The following DDX25 variants were observed in gnomAD, a reference collection of about 807,000 sequenced individuals.
DDX25 encodes the protein DEAD-box helicase 25.
A neutral mutation model predicts 64.6 loss-of-function variants in DDX25; 70 were observed. The ratio of observed to expected loss-of-function variants is 1.08; its 90% confidence interval spans 0.89 to 1.32. DDX25 has a LOEUF of 1.32. Among genes scored for constraint, DDX25 ranks in the 40% most tolerant of loss-of-function variants. DDX25 has a pLI of 0.00. For missense variants in DDX25, 587 were observed against 604.4 expected (o/e 0.97, Z 0.30); for synonymous variants, 211 against 213.3 (o/e 0.99, Z 0.09).
rs2134277771 is a variant in DDX25 at position 125,911,458 on chromosome 11, G to T, written c.770G>T (p.Gly257Val). ...GCAGATGTGATGATTGACACTCAAG[G>T]ATTCTCAGATCATAGTATTCGTATT... ...DEADVMIDTQ[G>V]FSDHSIRIQR... The change falls in exon 8 of 12, where the codon GGA becomes GTA. Residue 257 changes from glycine (G) to valine (V), a missense_variant. Transcript: ENST00000263576. The T allele has an allele frequency of 6.2e-7, 1 of 1,613,858 alleles. No homozygotes were observed. The highest frequency in any genetic ancestry group is 8.5e-7 in the Non-Finnish European group (1 of 1,179,840).
At chr11:125,917,873 ATTTGT>A (rs1274925091) in intron 9 of DDX25, among the ~76,000 whole-genome samples, 2 of 151,878 alleles carry the variant, frequency 1.3e-5, no homozygotes, top group African/African-American at 4.8e-5. Flanking sequence ...TTAATTTTTA[ATTTGT>A]TTTATTTTTT....
In DDX25 at chr11:125,926,453, T is replaced by G. The variant is rs1332849520; in HGVS notation, c.*3572T>G. On this transcript the variant is annotated 3_prime_UTR_variant, in exon 12 of 12. Transcript: ENST00000263576. ...TCTATGCTACAGGGAATACGAACTT[T>G]TTGCCCTAGAAAGCATCCAAGAGGC... is the stretch of plus-strand genomic sequence containing the variant. 1 of 152,228 alleles carries G rather than the reference T, an allele frequency of 6.6e-6. No individual in the cohort carries two copies. The highest frequency in any genetic ancestry group is 1.5e-5 in the Non-Finnish European group (1 of 68,066). The allele number at this position is 152,228 out of a possible 1,614,324, so 9.4% of individuals were successfully genotyped here.
At chr11:125,916,449 T>C (rs1029102995) in intron 8 of DDX25, among the ~76,000 whole-genome samples, 2 of 152,242 alleles carry the variant, frequency 1.3e-5, no homozygotes, top group African/African-American at 4.8e-5. Context: ...TCCGCAGATT[T>C]ATTTCACCTG....
At position 125,917,959 on chromosome 11, in the gene DDX25, A is replaced by G. The variant is rs571427019; in HGVS notation, c.1039-669A>G. ...AATGGCATGATCTCAGCTCACTGCA[A>G]TCTCCGCCTCCTGGGTTCAAGCAAT... On this transcript the variant is annotated intron_variant, in intron 9 of 11. Coordinates refer to ENST00000263576, the MANE Select transcript of DDX25 (RefSeq NM_013264.5). Among the ~76,000 whole-genome samples the G allele has an allele frequency of 9.3e-4, 141 of 152,132 alleles. 1 individual carries two copies. The highest frequency in any genetic ancestry group is 3.2e-3 in the African/African-American group (132 of 41,486).
At chr11:125,908,051 T>A in intron 4 of DDX25, 145 bp from the exon 5 acceptor site, 1 of 649,608 alleles carries the variant, frequency 1.5e-6, no homozygotes. Flanking sequence ...GTTTGGAAGT[T>A]GAGGTATGAA....
rs547708760 is a variant in DDX25 at position 125,925,160 on chromosome 11, G to A, written c.*2279G>A. On this transcript the variant is annotated 3_prime_UTR_variant, in exon 12 of 12. Coordinates refer to ENST00000263576, the MANE Select transcript of DDX25 (RefSeq NM_013264.5). ...CGAGAATCGAGTTGGACCTTCCACC[G>A]TGCTCAGCTCCGCCTTGGGGTGTCC... The A allele has an allele frequency of 3.7e-4, 102 of 279,018 alleles. No homozygotes were observed. The highest frequency in any genetic ancestry group is 2.8e-3 in the Middle Eastern group (2 of 726). 17.3% of individuals were successfully genotyped at this position (279,018 alleles called of 1,614,324 possible). A position where few individuals can be genotyped will look rare whatever the true frequency, so the allele number is the denominator to read the frequency against.
In DDX25 at chr11:125,928,451, G is replaced by A. The variant is rs905307757; in HGVS notation, c.*5570G>A. 6.6e-6 allele frequency: 1 copy of A among 152,042 alleles called. No individual in the cohort carries two copies. The highest frequency in any genetic ancestry group is 1.5e-5 in the Non-Finnish European group (1 of 68,002). The allele number at this position is 152,042 out of a possible 1,614,324, so 9.4% of individuals were successfully genotyped here. On this transcript the variant is annotated 3_prime_UTR_variant, in exon 12 of 12. Coordinates refer to ENST00000263576, the MANE Select transcript of DDX25 (RefSeq NM_013264.5). The stretch of plus-strand genomic sequence containing the variant: ...TAAATATCTTCTCGCCCAATATTCC[G>A]AATTATTTCTTAAGATTAGAGACAT...
intron 7 of DDX25, 46 bp from the exon 8 acceptor site, chr11:125,911,265 G>C (rs777933636): frequency 1.3e-6 from 2 of 1,546,188 alleles, no homozygotes; most frequent in Non-Finnish European, 1.7e-6. Context: ...TGACCTGTTG[G>C]AGTTGTTTGC....
chr11:125,913,337 A>G (rs981818100), intron 8 of DDX25, among the ~76,000 whole-genome samples: 2 of 152,034 alleles, frequency 1.3e-5, no homozygotes, highest in African/African-American at 2.4e-5. Context: ...CTTCCTCAGT[A>G]TGCTGGAGTA....
intron 2 of DDX25, 107 bp downstream of exon 2, chr11:125,905,385 A>C: frequency 7.3e-7 from 1 of 1,371,244 alleles, no homozygotes. Flanking sequence ...TTAGTGTGAC[A>C]TTCAGCACTC....
intron 8 of DDX25, 132 bp downstream of exon 8, chr11:125,911,620 A>G: frequency 1.0e-6 from 1 of 1,000,996 alleles, no homozygotes; most frequent in Admixed American, 3.0e-5. Context: ...TTGAGTTTTT[A>G]CATTATTTTC....
intron 1 of DDX25, 50 bp from the exon 2 acceptor site, chr11:125,905,162 G>A: frequency 6.6e-7 from 1 of 1,526,074 alleles, no homozygotes; most frequent in South Asian, 1.2e-5. Flanking sequence ...GCACTGGGCT[G>A]CTTGAGGGCT....
intron 8 of DDX25, among the ~76,000 whole-genome samples, chr11:125,916,610 C>T (rs1315092834): frequency 6.6e-6 from 1 of 152,182 alleles, no homozygotes; most frequent in Non-Finnish European, 1.5e-5. Context: ...TCTTTCCCTC[C>T]CAAGATATAT....
chr11:125,925,434 T>A lies in DDX25; in HGVS notation c.*2553T>A. The A allele has an allele frequency of 2.2e-6, 1 of 456,208 alleles. No individual in the cohort carries two copies. Among genetic ancestry groups the A allele is most frequent in the South Asian group, 1.5e-5 (1 of 64,554 alleles). 28.3% of individuals were successfully genotyped at this position (456,208 alleles called of 1,614,324 possible). A position where few individuals can be genotyped will look rare whatever the true frequency, so the allele number is the denominator to read the frequency against. Reference sequence around the variant, plus strand: ...ACTGGCTAGTTTGGTGAGTCAACAATCCAAAGGCTGTTTTTTGCAGGGTGC... The same window carrying A: ...ACTGGCTAGTTTGGTGAGTCAACAAACCAAAGGCTGTTTTTTGCAGGGTGC... On this transcript the variant is annotated 3_prime_UTR_variant, in exon 12 of 12. Transcript: ENST00000263576.
chr11:125,917,669 G>A (rs986439329), intron 9 of DDX25, among the ~76,000 whole-genome samples: 3 of 152,186 alleles, frequency 2.0e-5, no homozygotes, highest in African/African-American at 7.2e-5. Context: ...AACACTTTAA[G>A]CTTCACGACA....
At chr11:125,917,277 C>T (rs1367669822) in intron 9 of DDX25, 26 bp downstream of exon 9, 1 of 1,570,098 alleles carries the variant, frequency 6.4e-7, no homozygotes, top group Non-Finnish European at 8.6e-7. Flanking sequence ...GTGTCTTCAT[C>T]GAGCCCAGAT....
rs752314091 is a variant in DDX25 at position 125,910,387 on chromosome 11, T to A, written c.531T>A (p.Tyr177Ter). Residue 177 changes from tyrosine (Y) to a stop codon, truncating the protein, a stop_gained, in exon 7 of 12, where the codon TAT (tyrosine) becomes TAA (stop). Transcript: ENST00000263576. LOFTEE classifies it high-confidence loss of function. ...FPQCLCLAPTYELALQTGRVV... is the reference protein window; with the variant it reads ...FPQCLCLAPT ...AGTGCCTCTGCCTAGCTCCTACTTA[T>A]GAATTGGCTCTGCAAACTGGCCGTG... is the stretch of plus-strand genomic sequence containing the variant. 1 of 1,613,986 alleles carries A rather than the reference T, an allele frequency of 6.2e-7. No individual in the cohort carries two copies. Among genetic ancestry groups the A allele is most frequent in the South Asian group, 1.1e-5 (1 of 91,072 alleles).
chr11:125,906,958 C>T (rs972499677), intron 4 of DDX25, among the ~76,000 whole-genome samples: 1 of 152,108 alleles, frequency 6.6e-6, no homozygotes, highest in Non-Finnish European at 1.5e-5. Context: ...AAGCTAGGCA[C>T]AGCCAGATTG....
chr11:125,919,252 T>C (rs1945080097), intron 10 of DDX25, among the ~76,000 whole-genome samples: 1 of 152,202 alleles, frequency 6.6e-6, no homozygotes, highest in Admixed American at 6.5e-5. Flanking sequence ...GTAACAAAAA[T>C]TCATGTGCAG....
Sources: allele counts gnomAD v4.1 joint callset (sites outside exome capture counted in the v4.1 genomes callset), GRCh38; gene constraint gnomAD v4.1.1; transcripts MANE v1.5; gene names NCBI Gene and HGNC (gene_info 2026-07-23, HGNC 2026-07-21).